The following TRIM2 variants were observed in gnomAD, a reference collection of about 807,000 sequenced individuals.
The protein encoded by TRIM2 is tripartite motif-containing protein 2.
A neutral mutation model predicts 75.2 loss-of-function variants in TRIM2; 20 were observed. The observed-to-expected ratio is 0.27, with a 90% confidence interval of 0.19 to 0.39. The LOEUF (loss-of-function observed/expected upper bound fraction) is 0.39. TRIM2 is among the 10% of genes least tolerant of loss of function. The pLI is 1.00. For synonymous variants in TRIM2, 373 were observed against 388.3 expected (o/e 0.96, Z 0.46); for missense variants, 660 against 990.8 (o/e 0.67, Z 4.48).
intron 1 of TRIM2, among the ~76,000 whole-genome samples, chr4:153,170,345 A>G (rs1388262433): frequency 6.6e-6 from 1 of 152,196 alleles, no homozygotes; most frequent in Admixed American, 6.5e-5. Flanking sequence ...AAACTAATCA[A>G]TATAATTGTC....
intron 6 of TRIM2, among the ~76,000 whole-genome samples, chr4:153,310,432 C>A (rs1766019199): frequency 6.6e-6 from 1 of 152,176 alleles, no homozygotes; most frequent in South Asian, 2.1e-4. Flanking sequence ...TTTCTAACTT[C>A]TGGAATTGCC....
chr4:153,310,160 G>C (rs1765934527), intron 6 of TRIM2: 1 of 152,172 alleles, frequency 6.6e-6, no homozygotes, highest in Admixed American at 6.5e-5. Flanking sequence ...TAGAATAATT[G>C]TTAAATTGAT....
At chr4:153,213,038 C>T (rs1373297034) in intron 1 of TRIM2, among the ~76,000 whole-genome samples, 1 of 152,202 alleles carries the variant, frequency 6.6e-6, no homozygotes, top group Non-Finnish European at 1.5e-5. Context: ...ACCAGTCTGC[C>T]AGGCTACCAA....
At chr4:153,166,791 A>G (rs4696433) in intron 1 of TRIM2, among the ~76,000 whole-genome samples, 139,735 of 152,194 alleles carry the variant, frequency 0.92, 64,263 homozygotes, top group African/African-American at 0.97. Context: ...GCTTTGGGTA[A>G]ATAAAAGTGA....
At chr4:153,289,179 T>C (rs1470228595) in intron 3 of TRIM2, among the ~76,000 whole-genome samples, 1 of 152,176 alleles carries the variant, frequency 6.6e-6, no homozygotes, top group Non-Finnish European at 1.5e-5. Context: ...TACTATATTG[T>C]GGCAACTCTG....
chr4:153,213,199 A>G (rs1025935406), intron 1 of TRIM2, among the ~76,000 whole-genome samples: 5 of 152,140 alleles, frequency 3.3e-5, no homozygotes, highest in Non-Finnish European at 7.4e-5. Flanking sequence ...TGTTGAGAAA[A>G]TTGTCCCAAG....
chr4:153,269,018 A>C (rs1244719059), intron 1 of TRIM2, among the ~76,000 whole-genome samples: 3 of 152,238 alleles, frequency 2.0e-5, no homozygotes, highest in African/African-American at 7.2e-5. Context: ...ATCTTTAATT[A>C]AAATTCTAAT....
intron 1 of TRIM2, among the ~76,000 whole-genome samples, chr4:153,268,109 G>T (rs1755737660): frequency 6.6e-6 from 1 of 152,226 alleles, no homozygotes; most frequent in African/African-American, 2.4e-5. Context: ...CACGGAACTT[G>T]TTGAGCCAGA....
chr4:153,198,107 A>T (rs914303091), intron 1 of TRIM2, among the ~76,000 whole-genome samples: 4 of 152,180 alleles, frequency 2.6e-5, no homozygotes, highest in African/African-American at 9.7e-5. Context: ...ATAGACTAAG[A>T]CAATATTCTT....
intron 10 of TRIM2, among the ~76,000 whole-genome samples, chr4:153,326,417 T>C (rs1308562001): frequency 6.6e-6 from 1 of 152,260 alleles, no homozygotes; most frequent in Non-Finnish European, 1.5e-5. Context: ...AAATAAGTTT[T>C]ATGGAATACT....
intron 1 of TRIM2, among the ~76,000 whole-genome samples, chr4:153,244,429 CTTCTTCTT>C (rs1748456603): frequency 1.0e-5 from 1 of 96,082 alleles, no homozygotes; most frequent in African/African-American, 4.3e-5. Context: ...TCTTCTTCTT[CTTCTTCTT>C]TTAATTAGAG....
At position 153,163,495 on chromosome 4, in the gene TRIM2, C is replaced by CTTTT. The variant is rs70949644; in HGVS notation, c.-49+10246_-49+10249dup. 2.7e-3 allele frequency among the ~76,000 whole-genome samples: 270 copies of CTTTT among 98,564 alleles called. 1 individual carries two copies. Among genetic ancestry groups the CTTTT allele is most frequent in the Non-Finnish European group, 3.7e-3 (201 of 53,600 alleles). 64.7% of individuals were successfully genotyped at this position (98,564 alleles called of 152,430 possible). On this transcript the variant is annotated intron_variant, in intron 1 of 11. Transcript: ENST00000437508. ...CACTGCACCCAACCTAGATTTACAT[C>CTTTT]TTTTTTTTTTTTTTTTTTTTTTTTG...
chr4:153,339,203 C>T lies in TRIM2; in HGVS notation c.*4237C>T, dbSNP rs1772821460. On this transcript the variant is annotated 3_prime_UTR_variant, in exon 12 of 12. Transcript: ENST00000338700. The stretch of plus-strand genomic sequence containing the variant: ...ACCACAGTATTTTGGATGCTTTAGT[C>T]TACAATGAAACTTTCAATTAATTCT... The T allele has an allele frequency of 1.0e-6, 1 of 985,568 alleles. No individual in the cohort carries two copies. Among genetic ancestry groups the T allele is most frequent in the Non-Finnish European group, 1.2e-6 (1 of 829,820 alleles). 61.1% of individuals were successfully genotyped at this position (985,568 alleles called of 1,614,324 possible).
Position 153,204,444 on chromosome 4 carries a change from G to T in TRIM2, c.-87G>T. 1 of 1,491,938 alleles carries T rather than the reference G, an allele frequency of 6.7e-7. No homozygotes were observed. 92.4% of individuals were successfully genotyped at this position (1,491,938 alleles called of 1,614,324 possible). A position where few individuals can be genotyped will look rare whatever the true frequency, so the allele number is the denominator to read the frequency against. ...TTAGTAAGGGCCACCCTTTAACTCG[G>T]CAGCTTGATGACTATAATGGGCCCA... On this transcript the variant is annotated 5_prime_UTR_variant, in exon 1 of 12. Transcript: ENST00000338700.
chr4:153,217,736 A>G (rs1738875418), intron 1 of TRIM2, among the ~76,000 whole-genome samples: 1 of 152,194 alleles, frequency 6.6e-6, no homozygotes, highest in African/African-American at 2.4e-5. Flanking sequence ...GACAGAGAAT[A>G]AGGATAAGAA....
chr4:153,195,824 T>C (rs1357131184), intron 1 of TRIM2, among the ~76,000 whole-genome samples: 1 of 152,232 alleles, frequency 6.6e-6, no homozygotes, highest in East Asian at 1.9e-4. Context: ...TTTTTTATTA[T>C]TTTTTGAGAT....
intron 3 of TRIM2, among the ~76,000 whole-genome samples, chr4:153,284,917 C>T (rs1385716100): frequency 6.6e-6 from 1 of 151,972 alleles, no homozygotes; most frequent in South Asian, 2.1e-4. Flanking sequence ...TATTAGTGTC[C>T]TTTGATTCAA....
chr4:153,259,389 A>G (rs766018126), intron 1 of TRIM2, among the ~76,000 whole-genome samples: 1 of 152,108 alleles, frequency 6.6e-6, no homozygotes, highest in Non-Finnish European at 1.5e-5. Flanking sequence ...GCTTTCTTTT[A>G]TCTCTTTTTA....
At chr4:153,326,282 C>T (rs556508297) in intron 10 of TRIM2, among the ~76,000 whole-genome samples, 2 of 152,200 alleles carry the variant, frequency 1.3e-5, no homozygotes, top group East Asian at 3.9e-4. Context: ...ATTCTGAAAA[C>T]TCTTCAAGTT....
Sources: allele counts gnomAD v4.1 joint callset (sites outside exome capture counted in the v4.1 genomes callset), GRCh38; gene constraint gnomAD v4.1.1; transcripts MANE v1.5; gene names NCBI Gene and HGNC (gene_info 2026-07-23, HGNC 2026-07-21).